Variants in CCDC3 observed in about 807,000 individuals in gnomAD.
CCDC3 encodes the protein coiled-coil domain-containing protein 3.
A neutral mutation model predicts 21.4 loss-of-function variants in CCDC3; 24 were observed. The observed-to-expected ratio is 1.12, with a 90% CI of 0.81 to 1.58. The LOEUF (loss-of-function observed/expected upper bound fraction) is 1.58, where lower values mean the gene tolerates loss of function less well. Among genes scored for constraint, CCDC3 ranks in the 40% most tolerant of loss-of-function variants. The pLI, the probability that CCDC3 is intolerant of heterozygous loss-of-function variation, is 0.00. For synonymous variants in CCDC3, 186 were observed against 166.0 expected (o/e 1.12, Z -0.93); for missense variants, 425 against 360.9 (o/e 1.18, Z -1.44).
intron 2 of CCDC3, among the ~76,000 whole-genome samples, chr10:12,906,130 T>G (rs757838497): frequency 2.6e-5 from 4 of 152,202 alleles, no homozygotes; most frequent in Admixed American, 2.6e-4. Flanking sequence ...AACGGTTTCC[T>G]GAATGACTCG....
At chr10:12,913,456 G>C (rs1196264412) in intron 2 of CCDC3, among the ~76,000 whole-genome samples, 1 of 152,154 alleles carries the variant, frequency 6.6e-6, no homozygotes, top group Admixed American at 6.5e-5. Context: ...TACTGAATTT[G>C]TTTATTAGCT....
chr10:13,089,624 C>A (rs145076558), intron 3 of CCDC3, among the ~76,000 whole-genome samples: 3 of 150,938 alleles, frequency 2.0e-5, no homozygotes, highest in Admixed American at 2.0e-4. Flanking sequence ...TCTTTCAGCA[C>A]CCCCCCTTAA....
intron 2 of CCDC3, among the ~76,000 whole-genome samples, chr10:12,970,577 ATAAAT>A (rs913617720): frequency 7.2e-5 from 11 of 152,298 alleles, no homozygotes; most frequent in South Asian, 4.1e-4. Context: ...ACTTAATTAA[ATAAAT>A]TAAAAGTCAG....
intron 5 of CCDC3, among the ~76,000 whole-genome samples, chr10:13,018,015 G>A (rs751337728): frequency 1.3e-5 from 2 of 151,916 alleles, no homozygotes; most frequent in Non-Finnish European, 2.9e-5. Context: ...ATATAGGTTA[G>A]AGCAGAGCAA....
chr10:12,936,459 G>T (rs145314351), intron 2 of CCDC3, among the ~76,000 whole-genome samples: 5 of 152,062 alleles, frequency 3.3e-5, no homozygotes, highest in African/African-American at 9.7e-5. Flanking sequence ...CCCTGGGCTT[G>T]GGTGATCCTC....
intron 3 of CCDC3, among the ~76,000 whole-genome samples, chr10:13,081,397 T>C (rs561254033): frequency 6.6e-6 from 1 of 152,182 alleles, no homozygotes; most frequent in African/African-American, 2.4e-5. Context: ...AAGAAAAACT[T>C]GAGCCAGCCT....
chr10:12,966,961 T>C (rs768148411), intron 2 of CCDC3, among the ~76,000 whole-genome samples: 15 of 152,206 alleles, frequency 9.9e-5, no homozygotes, highest in Non-Finnish European at 1.6e-4. Context: ...TTAAACGAAC[T>C]GTCCAGGGTA....
At chr10:12,899,201 T>C (rs1834057233) in intron 2 of CCDC3, among the ~76,000 whole-genome samples, 1 of 152,094 alleles carries the variant, frequency 6.6e-6, no homozygotes, top group Non-Finnish European at 1.5e-5. Flanking sequence ...AGAAGGTGGA[T>C]AGTTCACAGG....
intron 3 of CCDC3, among the ~76,000 whole-genome samples, chr10:13,081,158 T>G (rs1362064432): frequency 8.7e-6 from 1 of 115,214 alleles, no homozygotes; most frequent in African/African-American, 3.0e-5. Context: ...CTAGGAACTA[T>G]AAAGTAAAAA....
At chr10:13,058,646 C>A in intron 4 of CCDC3, 1 of 549,780 alleles carries the variant, frequency 1.8e-6, no homozygotes, top group Non-Finnish European at 3.3e-6. Flanking sequence ...TTCAAGTTGG[C>A]CTTATTTTTA....
At chr10:13,002,905 T>A (rs1835877157), upstream of CCDC3, among the ~76,000 whole-genome samples, 1 of 152,210 alleles carries the variant, frequency 6.6e-6, no homozygotes, top group Non-Finnish European at 1.5e-5. Context: ...TCTCTGTGTG[T>A]GATGGAGAAA....
At chr10:13,014,471 G>GAAAAAAAAAAAGAA (rs58040998) in intron 5 of CCDC3, among the ~76,000 whole-genome samples, 1 of 137,610 alleles carries the variant, frequency 7.3e-6, no homozygotes. Flanking sequence ...AAAAAAAAAA[G>GAAAAAAAAAAAGAA]AAAAAAAAAA....
At chr10:12,994,588 A>T (rs1589034245) in intron 2 of CCDC3, among the ~76,000 whole-genome samples, 1 of 152,144 alleles carries the variant, frequency 6.6e-6, no homozygotes, top group East Asian at 1.9e-4. Flanking sequence ...GCGTGTTCTG[A>T]TTAACAAAAG....
chr10:12,973,800 A>G (rs1407253153), intron 2 of CCDC3, among the ~76,000 whole-genome samples: 1 of 152,124 alleles, frequency 6.6e-6, no homozygotes, highest in Non-Finnish European at 1.5e-5. Context: ...CAGGTTTTAT[A>G]TCCCCACAGC....
chr10:12,995,279 C>T (rs561533353), intron 2 of CCDC3, among the ~76,000 whole-genome samples: 52 of 152,246 alleles, frequency 3.4e-4, no homozygotes, highest in African/African-American at 1.2e-3. Flanking sequence ...TCTTGGTCTG[C>T]TGCCCAGACT....
chr10:12,957,160 G>A (rs888957009), intron 2 of CCDC3, among the ~76,000 whole-genome samples: 1 of 152,184 alleles, frequency 6.6e-6, no homozygotes, highest in African/African-American at 2.4e-5. Context: ...AGCAGGCCCA[G>A]ATGGCCTAAG....
At chr10:12,937,390 C>T (rs1490036496) in intron 2 of CCDC3, among the ~76,000 whole-genome samples, 1 of 152,160 alleles carries the variant, frequency 6.6e-6, no homozygotes, top group African/African-American at 2.4e-5. Flanking sequence ...CACCATAGTA[C>T]TAGCAGTACC....
upstream of CCDC3, among the ~76,000 whole-genome samples, chr10:13,004,033 C>A (rs1835896870): frequency 6.6e-6 from 1 of 152,144 alleles, no homozygotes; most frequent in African/African-American, 2.4e-5. Context: ...ACTAAGACTT[C>A]CAAACAAGCA....
chr10:13,050,456 C>CTTT (rs35126304), intron 4 of CCDC3, among the ~76,000 whole-genome samples: 45 of 98,540 alleles, frequency 4.6e-4, no homozygotes, highest in Non-Finnish European at 5.9e-4. Context: ...ATTATTTATT[C>CTTT]TTTTTTTTTT....
Sources: gnomAD v4.1 joint callset for allele counts (sites outside exome capture counted in the v4.1 genomes callset) on GRCh38, gnomAD v4.1.1 for gene constraint, MANE v1.5 for transcripts, NCBI Gene and HGNC (gene_info 2026-07-23, HGNC 2026-07-21) for gene names.